NSD1: variants seen among roughly 807,000 people sequenced by gnomAD.
NSD1 encodes the protein histone-lysine N-methyltransferase, H3 lysine-36 specific.
Under a neutral mutation model 242.7 loss-of-function variants are expected in NSD1, and 26 were observed. That is an observed-to-expected ratio of 0.11 (90% CI 0.08 to 0.15). NSD1 has a LOEUF of 0.15. NSD1 is among the 10% of genes least tolerant of loss of function. The pLI is 1.00. For synonymous variants in NSD1, 1,106 were observed against 1,178.1 expected, an observed-to-expected ratio of 0.94 and a Z score of 1.25; for missense variants, 2,495 against 3,272.8, an observed-to-expected ratio of 0.76 and a Z score of 5.80.
Position 177,191,755 on chromosome 5 carries a change from C to CT in NSD1, c.928-124dup. On this transcript the variant is annotated intron_variant, in intron 2 of 22. Coordinates refer to ENST00000439151, the MANE Select transcript of NSD1 (RefSeq NM_022455.5). ...ATTTAGTTGTACTTATTTTGTAATT[C>CT]TTTTTAGGCTAGAGTGTTTTCATTC... The CT allele has an allele frequency of 4.4e-6, 4 of 906,120 alleles. No homozygotes were observed. In the South Asian group the frequency reaches 5.8e-5, roughly 13 times the overall value. 56.1% of individuals were successfully genotyped at this position (906,120 alleles called of 1,614,324 possible). A position where few individuals can be genotyped will look rare whatever the true frequency, so the allele number is the denominator to read the frequency against.
At chr5:177,186,513 A>G (rs1761246242) in intron 2 of NSD1, among the ~76,000 whole-genome samples, 1 of 152,170 alleles carries the variant, frequency 6.6e-6, no homozygotes. Flanking sequence ...CTGTTGCTAG[A>G]AAAATTCATT....
chr5:177,230,928 A>AG (rs1241066406), intron 5 of NSD1, among the ~76,000 whole-genome samples: 1 of 151,950 alleles, frequency 6.6e-6, no homozygotes, highest in Non-Finnish European at 1.5e-5. Context: ...AATTTGTGTG[A>AG]GGGGGTTAGT....
chr5:177,201,826 T>C (rs1207279807), intron 3 of NSD1, among the ~76,000 whole-genome samples: 1 of 151,570 alleles, frequency 6.6e-6, no homozygotes, highest in African/African-American at 2.4e-5. Context: ...CCCAAAGGGC[T>C]GGGATTACAG....
At chr5:177,214,690 CAG>C (rs1282255917) in intron 5 of NSD1, among the ~76,000 whole-genome samples, 3 of 134,002 alleles carry the variant, frequency 2.2e-5, no homozygotes, top group African/African-American at 2.8e-5. Context: ...TTTTTTGAGA[CAG>C]AGTCTTACTG....
chr5:177,153,566 G>A (rs75859025), intron 2 of NSD1, among the ~76,000 whole-genome samples: 3,865 of 151,878 alleles, frequency 0.025, 50 homozygotes, highest in African/African-American at 0.029. Context: ...TTAAATTTCT[G>A]TCTCATTGGA....
intron 13 of NSD1, among the ~76,000 whole-genome samples, 188 bp from the exon 14 acceptor site, chr5:177,259,801 G>A (rs985942733): frequency 3.9e-5 from 6 of 152,178 alleles, no homozygotes; most frequent in African/African-American, 9.7e-5. Flanking sequence ...TCCTTTTGGA[G>A]ACTTATCACA....
At chr5:177,255,559 T>TTTTTG (rs777462072) in intron 12 of NSD1, among the ~76,000 whole-genome samples, 1 of 151,988 alleles carries the variant, frequency 6.6e-6, no homozygotes, top group Non-Finnish European at 1.5e-5. Flanking sequence ...AGGTCTGTGG[T>TTTTTG]TTTTGTTTTG....
At chr5:177,166,339 G>A (rs563213423) in intron 2 of NSD1, among the ~76,000 whole-genome samples, 37 of 152,098 alleles carry the variant, frequency 2.4e-4, no homozygotes, top group African/African-American at 8.7e-4. Context: ...CTTGAGCTCA[G>A]GAGTTCAAGA....
chr5:177,239,566 T>C (rs1765697512), intron 7 of NSD1, among the ~76,000 whole-genome samples, 190 bp from the exon 8 acceptor site: 1 of 152,234 alleles, frequency 6.6e-6, no homozygotes, highest in African/African-American at 2.4e-5. Context: ...GGTGCTTGCA[T>C]TGAAAACTGT....
chr5:177,211,683 G>A lies in NSD1; in HGVS notation c.3284G>A (p.Gly1095Asp), dbSNP rs1763354810. ...AAAGAGGATCCCCTTCAGATAATGGGCCACTTAACAAGTGAAGATGGTGAC... is the reference window on the plus strand; with the variant it reads ...AAAGAGGATCCCCTTCAGATAATGGACCACTTAACAAGTGAAGATGGTGAC... ...PSKEDPLQIM[G>D]HLTSEDGDHF... Residue 1095 changes from glycine to aspartate, a missense_variant, in exon 5 of 23, where the codon GGC (glycine) becomes GAC (aspartate). Coordinates refer to ENST00000439151, the MANE Select transcript of NSD1 (RefSeq NM_022455.5). 1 of 1,614,070 alleles carries A rather than the reference G, an allele frequency of 6.2e-7. No individual in the cohort carries two copies. The highest frequency in any genetic ancestry group is 8.5e-7 in the Non-Finnish European group (1 of 1,180,024).
intron 2 of NSD1, 76 bp downstream of exon 2, chr5:177,136,106 A>G (rs1756306814): frequency 7.3e-7 from 1 of 1,374,278 alleles, no homozygotes; most frequent in East Asian, 2.5e-5. Context: ...AACTTGTAAC[A>G]AATTTGTTTT....
chr5:177,191,222 G>A (rs1220440150), intron 2 of NSD1, among the ~76,000 whole-genome samples: 5 of 151,790 alleles, frequency 3.3e-5, no homozygotes, highest in Non-Finnish European at 4.4e-5. Context: ...CACCTGCCTC[G>A]GCCTCCCAAA....
chr5:177,231,860 A>G (rs2149878643), intron 5 of NSD1, among the ~76,000 whole-genome samples: 1 of 152,148 alleles, frequency 6.6e-6, no homozygotes, highest in East Asian at 1.9e-4. Context: ...ATACACTTTT[A>G]TGTTATTGGG....
intron 2 of NSD1, among the ~76,000 whole-genome samples, chr5:177,139,845 G>A (rs1414319222): frequency 6.6e-6 from 1 of 151,850 alleles, no homozygotes; most frequent in Non-Finnish European, 1.5e-5. Context: ...GGAGGCTGAG[G>A]CAGTAGTAGG....
At chr5:177,229,452 T>A (rs1360913123) in intron 5 of NSD1, among the ~76,000 whole-genome samples, 2 of 152,238 alleles carry the variant, frequency 1.3e-5, no homozygotes, top group African/African-American at 4.8e-5. Flanking sequence ...AAGGTTTGCA[T>A]AATTACTCCT....
chr5:177,254,642 CA>C (rs1756278961), intron 12 of NSD1, among the ~76,000 whole-genome samples: 1 of 152,064 alleles, frequency 6.6e-6, no homozygotes, highest in Non-Finnish European at 1.5e-5. Context: ...TCAGATGATC[CA>C]CCTGCTTTGG....
chr5:177,223,356 T>C (rs1216967923), intron 5 of NSD1, among the ~76,000 whole-genome samples: 3 of 152,090 alleles, frequency 2.0e-5, no homozygotes, highest in Non-Finnish European at 4.4e-5. Flanking sequence ...GCAGATCACT[T>C]GAGGTCAGAA....
chr5:177,207,593 ATTTTTTTTTTTTT>A (rs150492535), intron 4 of NSD1, among the ~76,000 whole-genome samples: 2 of 78,218 alleles, frequency 2.6e-5, no homozygotes, highest in Non-Finnish European at 4.3e-5. Flanking sequence ...ATTTATTTAA[ATTTTTTTTTTTTT>A]TTTTTTTTTT....
At chr5:177,184,371 T>TC (rs1352782859) in intron 2 of NSD1, among the ~76,000 whole-genome samples, 3 of 152,236 alleles carry the variant, frequency 2.0e-5, no homozygotes, top group Non-Finnish European at 4.4e-5. Flanking sequence ...TGATCAGTGA[T>TC]ACTGAGCACC....
Sources: allele counts gnomAD v4.1 joint callset (sites outside exome capture counted in the v4.1 genomes callset), GRCh38; gene constraint gnomAD v4.1.1; transcripts MANE v1.5; gene names NCBI Gene and HGNC (gene_info 2026-07-23, HGNC 2026-07-21).